ZNF37A: variants seen among roughly 807,000 people sequenced by gnomAD.
ZNF37A encodes zinc finger protein 37a (KOX 21).
ZNF37A carries 10 observed loss-of-function variants against 12.3 expected under a neutral mutation model. That is an observed-to-expected ratio of 0.82 (90% confidence interval 0.50 to 1.38). The LOEUF is 1.38. Ranked by LOEUF, ZNF37A falls within the 40% of genes most tolerant of loss-of-function variation. The pLI is 0.00. For synonymous variants in ZNF37A, 207 were observed against 223.0 expected (o/e 0.93, Z 0.64); for missense variants, 580 against 651.2 (o/e 0.89, Z 1.19).
rs143951612 is a variant in ZNF37A at position 38,114,821 on chromosome 10, G to A, written c.82G>A (p.Ala28Thr). 9.2e-4 allele frequency: 1,492 copies of A among 1,614,052 alleles called. 13 individuals carry two copies. In the African/African-American group the frequency reaches 0.015, roughly 16 times the overall value. ...AGAGGAGTGGCAGCATCTGGACCCT[G>A]CTCAGAGGACCCTGTACAGGGATGT... The part of the protein sequence containing the change: ...TQEEWQHLDP[A>T]QRTLYRDVML... Residue 28 changes from alanine (A) to threonine (T), a missense_variant, in exon 6 of 8, where the codon GCT becomes ACT. By Grantham distance (58) the Ala-to-Thr change is moderately conservative (BLOSUM62 0). Coordinates refer to ENST00000685332, the MANE Select transcript of ZNF37A (RefSeq NM_001324250.3).
chr10:38,105,345 A>G (rs1262737442), intron 5 of ZNF37A, among the ~76,000 whole-genome samples: 2 of 152,114 alleles, frequency 1.3e-5, no homozygotes, highest in Non-Finnish European at 2.9e-5. Context: ...CTGTCTCCTC[A>G]GCTCTGGTTT....
Position 38,114,866 on chromosome 10 carries a change from C to T in ZNF37A, c.127C>T (p.His43Tyr). ...YRDVMLENYS[H>Y]LVSVGYCIPK... ...GGATGTGATGCTGGAGAACTACAGC[C>T]ACCTTGTCTCAGTAGGTAGGTAGGA... Residue 43 changes from histidine to tyrosine, a missense_variant, in exon 6 of 8, where the codon CAC becomes TAC. Physicochemically the swap from His to Tyr is moderately conservative, Grantham distance 83 (BLOSUM62 2). Transcript: ENST00000685332. The T allele has an allele frequency of 6.2e-7, 1 of 1,612,590 alleles. No individual in the cohort carries two copies. The highest frequency in any genetic ancestry group is 1.1e-5 in the South Asian group (1 of 90,870).
At chr10:38,117,142 C>G (rs1486055878) in intron 7 of ZNF37A, 1 of 982,990 alleles carries the variant, frequency 1.0e-6, no homozygotes, top group Non-Finnish European at 1.2e-6. Context: ...CAACAACAAC[C>G]AAGAACAACA....
At chr10:38,141,784 AC>A (rs1258743385) in intron 7 of ZNF37A, 2 of 152,172 alleles carry the variant, frequency 1.3e-5, no homozygotes, top group Non-Finnish European at 2.9e-5. Context: ...ATCTAAAATT[AC>A]TTCAAAATAA....
chr10:38,112,757 T>TG (rs1453276477), intron 5 of ZNF37A, among the ~76,000 whole-genome samples: 3,176 of 59,352 alleles, frequency 0.054, 510 homozygotes, highest in East Asian at 0.1. Context: ...TTTCTTTTCT[T>TG]TTCTTTTCTT....
chr10:38,115,186 C>G lies in ZNF37A; in HGVS notation c.143-9C>G. On this transcript the variant is annotated splice_polypyrimidine_tract_variant and intron_variant, in intron 6 of 7. Coordinates refer to ENST00000685332, the MANE Select transcript of ZNF37A (RefSeq NM_001324250.3). ...AGTTTGTCCCAAGTAATACAATTCT[C>G]ATTCACAGGGTATTGCATTCCTAAA... 6.2e-7 allele frequency: 1 copy of G among 1,609,404 alleles called. No individual in the cohort carries two copies. The highest frequency in any genetic ancestry group is 8.5e-7 in the Non-Finnish European group (1 of 1,177,400).
At chr10:38,146,854 A>T (rs2070262220) in exon 8 of ZNF37A, 1 of 397,746 alleles carries the variant, frequency 2.5e-6, no homozygotes, top group African/African-American at 2.1e-5. Context: ...CACAGAAATA[A>T]AGTGCAAAGT....
At position 38,096,783 on chromosome 10, in the gene ZNF37A, A is replaced by G. The variant is rs539035046; in HGVS notation, c.15+151A>G. On this transcript the variant is annotated intron_variant, in intron 5 of 7. Coordinates refer to ENST00000685332, the MANE Select transcript of ZNF37A (RefSeq NM_001324250.3). ...TCATGGGTCAAATGCAGCCTGCCGC[A>G]TGTTTTTTTATGGTCCACAAACGAA... is the stretch of plus-strand genomic sequence containing the variant. The G allele has an allele frequency of 6.2e-5, 42 of 680,454 alleles. No individual in the cohort carries two copies. The East Asian group carries it at 1.3e-3, about 20-fold the overall frequency. The allele number at this position is 680,454 out of a possible 1,614,324, so 42.2% of individuals were successfully genotyped here.
intron 7 of ZNF37A, chr10:38,137,573 C>G (rs1480165513): frequency 6.6e-6 from 1 of 152,142 alleles, no homozygotes; most frequent in East Asian, 1.9e-4. Flanking sequence ...GAACACAGAG[C>G]CCTGGTGTTT....
chr10:38,101,670 C>T (rs1453094632), intron 5 of ZNF37A, among the ~76,000 whole-genome samples: 1 of 151,508 alleles, frequency 6.6e-6, no homozygotes, highest in Non-Finnish European at 1.5e-5. Context: ...GTATAGCCAC[C>T]CTGGCATTCT....
intron 5 of ZNF37A, among the ~76,000 whole-genome samples, chr10:38,100,956 G>A (rs1286287826): frequency 1.3e-5 from 2 of 152,182 alleles, no homozygotes; most frequent in African/African-American, 4.8e-5. Flanking sequence ...TGCCTTGGCT[G>A]CAGCCGGTCC....
At chr10:38,109,089 A>G (rs1021633990) in intron 5 of ZNF37A, among the ~76,000 whole-genome samples, 1 of 152,176 alleles carries the variant, frequency 6.6e-6, no homozygotes, top group Non-Finnish European at 1.5e-5. Flanking sequence ...CCTCAATACA[A>G]TACTGGCAAA....
chr10:38,115,235 G>A lies in ZNF37A; in HGVS notation c.183G>A (p.Glu61=). 6.2e-7 allele frequency: 1 copy of A among 1,613,914 alleles called. No homozygotes were observed. Among genetic ancestry groups the A allele is most frequent in the Non-Finnish European group, 8.5e-7 (1 of 1,179,960 alleles). The change falls in exon 7 of 8, where the codon GAG becomes GAA. Residue 61 remains glutamate, a synonymous_variant. Transcript: ENST00000685332. ...AACCAGAAGTGATTCTCAAGTTGGA[G>A]AAAGGCGAGGAGCCATGGATATTAG... is the stretch of plus-strand genomic sequence containing the variant. ...IPKPEVILKL[E]KGEEPWILEE... is the part of the protein sequence containing the mutation.
In ZNF37A at chr10:38,121,420, A is replaced by T. The variant is rs2069689048; in HGVS notation, c.*2583A>T. On this transcript the variant is annotated 3_prime_UTR_variant, in exon 8 of 8. Coordinates refer to ENST00000685332, the MANE Select transcript of ZNF37A (RefSeq NM_001324250.3). ...TTTTGATTCCCCCCTTTGACTTTTC[A>T]TGTATCTCTCCTGCCTTCCTTCCCC... 1 of 152,164 alleles carries T rather than the reference A, an allele frequency of 6.6e-6. No homozygotes were observed. The highest frequency in any genetic ancestry group is 2.1e-4 in the South Asian group (1 of 4,828). The allele number at this position is 152,164 out of a possible 1,614,324, so 9.4% of individuals were successfully genotyped here.
chr10:38,100,972 T>A (rs763735213), intron 5 of ZNF37A, among the ~76,000 whole-genome samples: 1 of 152,166 alleles, frequency 6.6e-6, no homozygotes, highest in Non-Finnish European at 1.5e-5. Flanking sequence ...GGTCCCTCTG[T>A]TTGGGGTCCC....
At chr10:38,149,916 C>T (rs570502431) in exon 8 of ZNF37A, 19 of 152,296 alleles carry the variant, frequency 1.2e-4, no homozygotes, top group African/African-American at 4.3e-4. Context: ...CTCTTCTGCA[C>T]AAAATTGTAA....
Position 38,118,410 on chromosome 10 carries a change from T to A in ZNF37A, c.1259T>A (p.Phe420Tyr), listed in dbSNP as rs1403558194. ...PYECNECGKS[F>Y]SEKSTLTKHL... ...GAATGTAATGAATGTGGGAAGTCAT[T>A]CTCTGAGAAGTCAACCCTTACTAAA... Residue 420 changes from phenylalanine to tyrosine, a missense_variant, in exon 8 of 8, where the codon TTC (phenylalanine) becomes TAC (tyrosine). Physicochemically the swap from Phe to Tyr is conservative, Grantham distance 22. Coordinates refer to ENST00000685332, the MANE Select transcript of ZNF37A (RefSeq NM_001324250.3). The A allele has an allele frequency of 6.2e-7, 1 of 1,613,968 alleles. No homozygotes were observed. The highest frequency in any genetic ancestry group is 8.5e-7 in the Non-Finnish European group (1 of 1,179,988).
exon 8 of ZNF37A, chr10:38,148,357 C>G: frequency 6.6e-6 from 1 of 152,334 alleles, no homozygotes; most frequent in South Asian, 2.1e-4. Flanking sequence ...TGCAAACTGT[C>G]CAATCCCCTC....
Position 38,119,104 on chromosome 10 carries a change from CAG to C in ZNF37A, c.*271_*272del, listed in dbSNP as rs2069533487. 1.8e-6 allele frequency: 2 copies of C among 1,119,642 alleles called. No homozygotes were observed. The highest frequency in any genetic ancestry group is 7.4e-5 in the South Asian group (2 of 27,142). 69.4% of individuals were successfully genotyped at this position (1,119,642 alleles called of 1,614,324 possible). A position where few individuals can be genotyped will look rare whatever the true frequency, so the allele number is the denominator to read the frequency against. Reference sequence around the variant, plus strand: ...CCCAATGCCACTCTTCATTAAACATCAGAGAATTCACACGGGGTGAAACCTGG... The same window carrying C: ...CCCAATGCCACTCTTCATTAAACATCAGAATTCACACGGGGTGAAACCTGG... On this transcript the variant is annotated 3_prime_UTR_variant, in exon 8 of 8. Transcript: ENST00000685332.
Sources: gnomAD v4.1 joint callset for allele counts (sites outside exome capture counted in the v4.1 genomes callset) on GRCh38, gnomAD v4.1.1 for gene constraint, MANE v1.5 for transcripts, NCBI Gene and HGNC (gene_info 2026-07-23, HGNC 2026-07-21) for gene names.